The following ARHGAP15 variants were observed in gnomAD, a reference collection of about 807,000 sequenced individuals.
ARHGAP15 encodes Rho GTPase activating protein 15, also known as rho GTPase-activating protein 15.
ARHGAP15 carries 51 observed loss-of-function variants against 63.7 expected under a neutral mutation model. The ratio of observed to expected loss-of-function variants is 0.80; its 90% CI spans 0.64 to 1.01. The LOEUF (loss-of-function observed/expected upper bound fraction) is 1.01. Ranked by LOEUF, ARHGAP15 falls within the 50% of genes least tolerant of loss-of-function variation. ARHGAP15 has a pLI of 0.00. For synonymous variants in ARHGAP15, 191 were observed against 193.8 expected (o/e 0.99, Z 0.12); for missense variants, 560 against 564.6 (o/e 0.99, Z 0.08).
chr2:143,439,859 A>G (rs1054619942), intron 8 of ARHGAP15, among the ~76,000 whole-genome samples: 8 of 152,288 alleles, frequency 5.3e-5, no homozygotes, highest in African/African-American at 1.9e-4. Flanking sequence ...TAAAAATAAG[A>G]TTCATAGAAA....
intron 6 of ARHGAP15, among the ~76,000 whole-genome samples, chr2:143,359,062 A>C (rs1357320822): frequency 6.6e-6 from 1 of 152,190 alleles, no homozygotes; most frequent in Non-Finnish European, 1.5e-5. Flanking sequence ...TACTATCTAC[A>C]TAATAGTATG....
chr2:143,226,068 T>A (rs1211213915), intron 4 of ARHGAP15, among the ~76,000 whole-genome samples: 2 of 152,252 alleles, frequency 1.3e-5, no homozygotes, highest in Non-Finnish European at 2.9e-5. Context: ...ACATAAGGCG[T>A]CAGAGCAAGT....
intron 5 of ARHGAP15, among the ~76,000 whole-genome samples, chr2:143,240,005 A>C (rs946414463): frequency 1.4e-5 from 2 of 145,970 alleles, no homozygotes; most frequent in Non-Finnish European, 3.0e-5. Context: ...AAAAAAAAAA[A>C]AAAAAAAAAA....
At chr2:143,131,374 A>G (rs1573985261) in intron 1 of ARHGAP15, among the ~76,000 whole-genome samples, 2 of 152,352 alleles carry the variant, frequency 1.3e-5, no homozygotes, top group East Asian at 3.9e-4. Context: ...TGAAAATAAT[A>G]CGGAAGATTT....
At chr2:143,382,881 A>C (rs889419097) in intron 6 of ARHGAP15, among the ~76,000 whole-genome samples, 1 of 152,192 alleles carries the variant, frequency 6.6e-6, no homozygotes, top group Non-Finnish European at 1.5e-5. Flanking sequence ...GCATTTGCTT[A>C]AGTGACAGAT....
At chr2:143,571,253 A>G (rs1696442982) in intron 11 of ARHGAP15, among the ~76,000 whole-genome samples, 1 of 152,208 alleles carries the variant, frequency 6.6e-6, no homozygotes. Context: ...TGTACAATAA[A>G]TGTAATGTGC....
intron 6 of ARHGAP15, among the ~76,000 whole-genome samples, chr2:143,323,743 C>T (rs751800477): frequency 4.0e-5 from 6 of 151,334 alleles, no homozygotes; most frequent in Non-Finnish European, 7.4e-5. Flanking sequence ...AAAAATCAGC[C>T]GGGCGTTGTG....
At chr2:143,427,251 G>A (rs1304381041) in intron 6 of ARHGAP15, among the ~76,000 whole-genome samples, 1 of 152,112 alleles carries the variant, frequency 6.6e-6, no homozygotes, top group Non-Finnish European at 1.5e-5. Flanking sequence ...TAGGAGACTA[G>A]TGGCAACAAT....
intron 12 of ARHGAP15, among the ~76,000 whole-genome samples, chr2:143,680,373 C>A (rs1200084707): frequency 6.6e-6 from 1 of 152,202 alleles, no homozygotes; most frequent in Non-Finnish European, 1.5e-5. Flanking sequence ...TAAATTCCAG[C>A]TTGGTATTTC....
At chr2:143,317,591 G>A (rs1683778182) in intron 6 of ARHGAP15, among the ~76,000 whole-genome samples, 1 of 152,200 alleles carries the variant, frequency 6.6e-6, no homozygotes, top group Non-Finnish European at 1.5e-5. Context: ...GCGTGAAACA[G>A]CATACCTGTG....
intron 2 of ARHGAP15, among the ~76,000 whole-genome samples, chr2:143,197,664 A>C (rs1691935816): frequency 6.6e-6 from 1 of 152,026 alleles, no homozygotes; most frequent in African/African-American, 2.4e-5. Context: ...TTCTTTGTCT[A>C]ATGCTTTACT....
chr2:143,412,994 A>G (rs891820474), intron 6 of ARHGAP15, among the ~76,000 whole-genome samples: 2 of 152,168 alleles, frequency 1.3e-5, no homozygotes, highest in African/African-American at 4.8e-5. Context: ...ATTTCCAATT[A>G]GCTGCCAAAA....
chr2:143,604,833 T>A (rs993855614), intron 11 of ARHGAP15, among the ~76,000 whole-genome samples: 8 of 152,166 alleles, frequency 5.3e-5, no homozygotes, highest in African/African-American at 1.9e-4. Context: ...TTTATTGTAG[T>A]GAAGAAAAGA....
chr2:143,547,228 G>A (rs914991896), intron 10 of ARHGAP15, among the ~76,000 whole-genome samples: 2 of 152,100 alleles, frequency 1.3e-5, no homozygotes, highest in African/African-American at 4.8e-5. Flanking sequence ...AAGAATGAAT[G>A]TGCAGAAAAT....
chr2:143,312,483 A>G (rs1417085118), intron 6 of ARHGAP15, among the ~76,000 whole-genome samples: 2 of 151,598 alleles, frequency 1.3e-5, no homozygotes, highest in Non-Finnish European at 3.0e-5. Flanking sequence ...GATAAAAAGA[A>G]AAAAAAAGCA....
intron 1 of ARHGAP15, among the ~76,000 whole-genome samples, chr2:143,138,285 T>A (rs749805401): frequency 1.3e-5 from 2 of 152,102 alleles, no homozygotes; most frequent in Non-Finnish European, 2.9e-5. Flanking sequence ...GTTAAGAGAT[T>A]AAATATGCAA....
intron 11 of ARHGAP15, among the ~76,000 whole-genome samples, chr2:143,570,683 G>T: frequency 6.6e-6 from 1 of 152,300 alleles, no homozygotes; most frequent in East Asian, 1.9e-4. Context: ...TACATAAAAT[G>T]TTAGCATTAG....
At chr2:143,188,967 T>C (rs1691562414) in intron 2 of ARHGAP15, among the ~76,000 whole-genome samples, 1 of 151,910 alleles carries the variant, frequency 6.6e-6, no homozygotes, top group Admixed American at 6.6e-5. Flanking sequence ...CTTGGTCAAA[T>C]CCTTCATTTT....
intron 13 of ARHGAP15, among the ~76,000 whole-genome samples, chr2:143,754,702 C>T (rs774564427): frequency 2.6e-5 from 4 of 152,176 alleles, no homozygotes; most frequent in Admixed American, 6.5e-5. Context: ...GGGCCACTTA[C>T]GTGGGACCTC....
Sources: allele counts gnomAD v4.1 joint callset (sites outside exome capture counted in the v4.1 genomes callset), GRCh38; gene constraint gnomAD v4.1.1; transcripts MANE v1.5; gene names NCBI Gene and HGNC (gene_info 2026-07-23, HGNC 2026-07-21).